The following PTPRG variants were observed in gnomAD, a reference collection of about 807,000 sequenced individuals.
The protein encoded by PTPRG is receptor-type tyrosine-protein phosphatase gamma.
Under a neutral mutation model 165.3 loss-of-function variants are expected in PTPRG, and 102 were observed. The ratio of observed to expected loss-of-function variants is 0.62; its 90% CI spans 0.53 to 0.73. The LOEUF (loss-of-function observed/expected upper bound fraction) is 0.73, where lower values mean the gene tolerates loss of function less well. PTPRG is among the 30% of genes least tolerant of loss of function. The pLI is 0.00. For missense variants in PTPRG, 1,866 were observed against 1,861.4 expected, an observed-to-expected ratio of 1.00 and a Z score of -0.05; for synonymous variants, 675 against 669.5, an observed-to-expected ratio of 1.01 and a Z score of -0.13.
At chr3:62,134,904 A>G (rs1437078106) in intron 6 of PTPRG, among the ~76,000 whole-genome samples, 2 of 152,234 alleles carry the variant, frequency 1.3e-5, no homozygotes, top group Non-Finnish European at 2.9e-5. Flanking sequence ...GCCTTGATTG[A>G]GAAGAAAAAG....
At chr3:61,582,377 C>T (rs1023712137) in intron 1 of PTPRG, among the ~76,000 whole-genome samples, 1 of 152,146 alleles carries the variant, frequency 6.6e-6, no homozygotes, top group African/African-American at 2.4e-5. Flanking sequence ...GTAGCAACCA[C>T]ATGTAGCCAA....
chr3:62,071,604 T>A (rs888869104), intron 4 of PTPRG, among the ~76,000 whole-genome samples: 5 of 152,236 alleles, frequency 3.3e-5, no homozygotes, highest in Admixed American at 1.3e-4. Flanking sequence ...TATTTTAGTC[T>A]TCCTAAGTGC....
At chr3:61,935,194 C>A (rs1356253003) in intron 2 of PTPRG, among the ~76,000 whole-genome samples, 1 of 152,208 alleles carries the variant, frequency 6.6e-6, no homozygotes, top group African/African-American at 2.4e-5. Context: ...AGCTGAGGTC[C>A]TTCCCCCATC....
At chr3:61,735,353 C>T (rs1479364227) in intron 1 of PTPRG, among the ~76,000 whole-genome samples, 1 of 152,112 alleles carries the variant, frequency 6.6e-6, no homozygotes, top group East Asian at 1.9e-4. Flanking sequence ...GATATTTCTT[C>T]TGATGATTTC....
At chr3:61,933,707 C>T (rs1192051240) in intron 2 of PTPRG, among the ~76,000 whole-genome samples, 3 of 152,184 alleles carry the variant, frequency 2.0e-5, no homozygotes, top group African/African-American at 4.8e-5. Flanking sequence ...TCTCTAGTCC[C>T]ATGGTTTCCT....
chr3:62,240,750 C>T lies in PTPRG; in HGVS notation c.2376-3057C>T, dbSNP rs996778478. 7.2e-5 allele frequency among the ~76,000 whole-genome samples: 11 copies of T among 152,194 alleles called. No individual in the cohort carries two copies. Among genetic ancestry groups the T allele is most frequent in the African/African-American group, 2.7e-4 (11 of 41,440 alleles). On this transcript the variant is annotated intron_variant, in intron 14 of 29. Transcript: ENST00000474889. The surrounding 1 kb of genome is among the most constrained non-coding windows in gnomAD (Gnocchi z 5.1). The stretch of plus-strand genomic sequence containing the variant: ...AGCTGCTTGACCTGCCTAAAATGGT[C>T]TTCCTCCAGAGTTTTACAGGGTTAG...
chr3:61,594,777 G>T (rs914214027), intron 1 of PTPRG, among the ~76,000 whole-genome samples: 1 of 152,084 alleles, frequency 6.6e-6, no homozygotes, highest in Non-Finnish European at 1.5e-5. Context: ...TAATAATCTG[G>T]CAGTCCTGCT....
chr3:61,716,551 TA>T (rs1420098544), intron 1 of PTPRG, among the ~76,000 whole-genome samples: 2 of 150,632 alleles, frequency 1.3e-5, no homozygotes, highest in Admixed American at 1.3e-4. Context: ...CCCCATTGCG[TA>T]CTCTTTTTTT....
At chr3:61,845,479 A>T (rs1039637863) in intron 2 of PTPRG, among the ~76,000 whole-genome samples, 1 of 152,158 alleles carries the variant, frequency 6.6e-6, no homozygotes, top group Non-Finnish European at 1.5e-5. Flanking sequence ...CCGGGACTTG[A>T]AATAACATTT....
intron 6 of PTPRG, among the ~76,000 whole-genome samples, chr3:62,150,214 A>T (rs1704279333): frequency 6.6e-6 from 1 of 152,198 alleles, no homozygotes; most frequent in African/African-American, 2.4e-5. Flanking sequence ...TAATGAAGAA[A>T]TGTTCTGGAC....
At chr3:62,279,236 C>G (rs192129552) in intron 26 of PTPRG, among the ~76,000 whole-genome samples, 1 of 151,988 alleles carries the variant, frequency 6.6e-6, no homozygotes, top group Non-Finnish European at 1.5e-5. Flanking sequence ...TCACAAAGTA[C>G]GGATATAGAT....
At chr3:61,964,579 A>G (rs1212620396) in intron 2 of PTPRG, among the ~76,000 whole-genome samples, 1 of 151,986 alleles carries the variant, frequency 6.6e-6, no homozygotes, top group African/African-American at 2.4e-5. Context: ...ACTAGAAGGG[A>G]AAGTGATATG....
intron 1 of PTPRG, among the ~76,000 whole-genome samples, chr3:61,574,818 A>G (rs1219878319): frequency 6.6e-6 from 1 of 152,182 alleles, no homozygotes; most frequent in East Asian, 1.9e-4. Context: ...GGAAGTGGAC[A>G]TGTGCAAAGA....
intron 28 of PTPRG, among the ~76,000 whole-genome samples, chr3:62,290,637 T>C (rs1378911835): frequency 6.6e-6 from 1 of 152,030 alleles, no homozygotes; most frequent in Non-Finnish European, 1.5e-5. Context: ...TATAAGAATG[T>C]AGTACATGAT....
chr3:61,779,879 G>A (rs2034494019), intron 2 of PTPRG, among the ~76,000 whole-genome samples: 1 of 152,164 alleles, frequency 6.6e-6, no homozygotes, highest in Non-Finnish European at 1.5e-5. Context: ...GAAGGGCTGG[G>A]GGAATCCATG....
chr3:61,822,341 G>T (rs1484282875), intron 2 of PTPRG, among the ~76,000 whole-genome samples: 3 of 152,204 alleles, frequency 2.0e-5, no homozygotes, highest in African/African-American at 7.2e-5. Context: ...TGTTGGGAAT[G>T]TTGGCTTCAT....
In PTPRG at chr3:62,273,865, C is replaced by G; in HGVS notation, c.3465+21C>G. 6.2e-7 allele frequency: 1 copy of G among 1,610,198 alleles called. No homozygotes were observed. Among genetic ancestry groups the G allele is most frequent in the African/African-American group, 1.3e-5 (1 of 74,934 alleles). ...TCAAGGTAGTGCTTTGAAAAAGTTT[C>G]TTTGGCATAAAGCAAGAAAATGTTT... On this transcript the variant is annotated intron_variant, in intron 23 of 29. Coordinates refer to ENST00000474889, the MANE Select transcript of PTPRG (RefSeq NM_002841.4). This position sits in a 1 kb window ranked among gnomAD's most constrained non-coding sequence, Gnocchi z 4.1.
At chr3:61,960,188 G>A (rs1397579501) in intron 2 of PTPRG, among the ~76,000 whole-genome samples, 5 of 151,672 alleles carry the variant, frequency 3.3e-5, no homozygotes, top group Non-Finnish European at 7.4e-5. Flanking sequence ...CCACTGGAAT[G>A]CAAACCCCTG....
At chr3:62,164,414 G>C (rs1013205609) in intron 7 of PTPRG, among the ~76,000 whole-genome samples, 5 of 152,182 alleles carry the variant, frequency 3.3e-5, no homozygotes, top group African/African-American at 1.2e-4. Context: ...TTGCCAAAGA[G>C]ACAGGCCACT....
Sources: allele counts gnomAD v4.1 joint callset (sites outside exome capture counted in the v4.1 genomes callset), GRCh38; gene constraint gnomAD v4.1.1; non-coding constraint Gnocchi (gnomAD v3.1); transcripts MANE v1.5; gene names NCBI Gene and HGNC (gene_info 2026-07-23, HGNC 2026-07-21).